Variants in PAIP2 observed in about 807,000 individuals in gnomAD.
The protein encoded by PAIP2 is polyadenylate-binding protein-interacting protein 2.
PAIP2 carries 7 observed loss-of-function variants against 14.8 expected under a neutral mutation model. That is an observed-to-expected ratio of 0.47 (90% CI 0.27 to 0.89). The LOEUF is 0.89. PAIP2 is among the 40% of genes least tolerant of loss of function. The pLI is 0.13. For synonymous variants in PAIP2, 47 were observed against 45.3 expected (o/e 1.04, Z -0.15); for missense variants, 122 against 154.7 (o/e 0.79, Z 1.12).
At chr5:139,357,403 G>A (rs534523544) in intron 1 of PAIP2, among the ~76,000 whole-genome samples, 18 of 152,238 alleles carry the variant, frequency 1.2e-4, no homozygotes, top group African/African-American at 3.6e-4. Context: ...TGTTTGCCCC[G>A]TTATTGCTAC....
chr5:139,350,253 G>C (rs1459055776), intron 1 of PAIP2, among the ~76,000 whole-genome samples: 2 of 151,770 alleles, frequency 1.3e-5, no homozygotes, highest in East Asian at 1.9e-4. Flanking sequence ...TACTGTAGTA[G>C]AGGACTTGGA....
At chr5:139,346,905 G>T (rs1221885536) in intron 1 of PAIP2, among the ~76,000 whole-genome samples, 1 of 152,052 alleles carries the variant, frequency 6.6e-6, no homozygotes, top group Non-Finnish European at 1.5e-5. Context: ...TGCCTCCCAG[G>T]TTCAAGCAGT....
intron 1 of PAIP2, among the ~76,000 whole-genome samples, chr5:139,352,503 T>TTTTTTTTTTTG (rs1756772951): frequency 8.0e-5 from 10 of 124,460 alleles, no homozygotes; most frequent in Non-Finnish European, 1.3e-4. Flanking sequence ...TTTTTTGTTG[T>TTTTTTTTTTTG]TTTTTTTTTT....
At chr5:139,350,905 T>G (rs1450950172) in intron 1 of PAIP2, among the ~76,000 whole-genome samples, 1 of 152,102 alleles carries the variant, frequency 6.6e-6, no homozygotes, top group Non-Finnish European at 1.5e-5. Context: ...AAGCTTTCAT[T>G]AGTGGGGGAT....
chr5:139,349,624 T>C (rs1388562141), intron 1 of PAIP2, among the ~76,000 whole-genome samples: 1 of 152,086 alleles, frequency 6.6e-6, no homozygotes, highest in East Asian at 1.9e-4. Context: ...AGAAAAGAAA[T>C]AGTTAATAGA....
At chr5:139,344,209 G>A (rs921540239) in intron 1 of PAIP2, among the ~76,000 whole-genome samples, 1 of 152,134 alleles carries the variant, frequency 6.6e-6, no homozygotes, top group African/African-American at 2.4e-5. Context: ...TATGATAGTC[G>A]GAATTCAAAT....
intron 1 of PAIP2, among the ~76,000 whole-genome samples, chr5:139,356,240 G>A (rs996869338): frequency 6.6e-6 from 1 of 151,760 alleles, no homozygotes; most frequent in East Asian, 2.0e-4. Context: ...AAGGTGAGGA[G>A]TTTGAGACTA....
intron 1 of PAIP2, among the ~76,000 whole-genome samples, chr5:139,360,790 T>C (rs1362019453): frequency 6.6e-6 from 1 of 151,396 alleles, no homozygotes; most frequent in African/African-American, 2.4e-5. Context: ...TTTTTTTTTT[T>C]CTTTTTTGGA....
At chr5:139,352,972 C>G (rs377261724) in intron 1 of PAIP2, among the ~76,000 whole-genome samples, 2 of 151,428 alleles carry the variant, frequency 1.3e-5, no homozygotes, top group Non-Finnish European at 2.9e-5. Flanking sequence ...CAAAGTTAGC[C>G]GGGCGTGGTG....
rs1581316303 is a variant in PAIP2 at position 139,360,804 on chromosome 5, A to G, written c.-26-2955A>G. On this transcript the variant is annotated intron_variant, in intron 1 of 3. Transcript: ENST00000265192. ...TTTTTTTTTTTTCTTTTTTGGAGACAGGGTCTTGCTTTCTTGCCCAGGCTG... is the reference window on the plus strand; with the variant it reads ...TTTTTTTTTTTTCTTTTTTGGAGACGGGGTCTTGCTTTCTTGCCCAGGCTG... 4.7e-5 allele frequency among the ~76,000 whole-genome samples: 7 copies of G among 149,426 alleles called. 1 individual carries two copies. The highest frequency in any genetic ancestry group is 4.7e-4 in the Admixed American group (7 of 14,972).
intron 1 of PAIP2, among the ~76,000 whole-genome samples, chr5:139,344,871 T>C (rs1756488763): frequency 6.6e-6 from 1 of 152,058 alleles, no homozygotes; most frequent in Non-Finnish European, 1.5e-5. Flanking sequence ...GCCCTAAATA[T>C]TTAATCACCG....
chr5:139,352,487 A>ATTTTTTTTTTTTTTT (rs1756763628), intron 1 of PAIP2, among the ~76,000 whole-genome samples: 1 of 73,228 alleles, frequency 1.4e-5, no homozygotes, highest in African/African-American at 3.5e-5. Context: ...AATTCCTGCC[A>ATTTTTTTTTTTTTTT]GTTTTTTTTT....
chr5:139,363,665 T>G (rs777531740), intron 1 of PAIP2, 94 bp from the exon 2 acceptor site: 42 of 1,088,236 alleles, frequency 3.9e-5, no homozygotes, highest in Non-Finnish European at 5.3e-5. Flanking sequence ...ATCACACCAT[T>G]GCACTCCAGC....
intron 1 of PAIP2, among the ~76,000 whole-genome samples, chr5:139,348,305 C>T (rs1756619012): frequency 6.6e-6 from 1 of 151,840 alleles, no homozygotes; most frequent in African/African-American, 2.4e-5. Context: ...TCTCCTGCTT[C>T]AGCCTTCTGA....
chr5:139,346,725 CG>C (rs1447797337), intron 1 of PAIP2, among the ~76,000 whole-genome samples: 3 of 145,340 alleles, frequency 2.1e-5, no homozygotes, highest in East Asian at 2.1e-4. Context: ...GACGGGGTTT[CG>C]CCCAAGTTGG....
At position 139,363,755 on chromosome 5, in the gene PAIP2, T is replaced by C. The variant is rs781769945; in HGVS notation, c.-26-4T>C. 6.2e-7 allele frequency: 1 copy of C among 1,609,774 alleles called. No individual in the cohort carries two copies. Among genetic ancestry groups the C allele is most frequent in the Non-Finnish European group, 8.5e-7 (1 of 1,177,954 alleles). Reference sequence around the variant, plus strand: ...TAAATTAACTGTGCTGTTGTTCTTTTAAGGTTAAAAACGACAACCAACATC... The same window carrying C: ...TAAATTAACTGTGCTGTTGTTCTTTCAAGGTTAAAAACGACAACCAACATC... On this transcript the variant is annotated splice_polypyrimidine_tract_variant and splice_region_variant and intron_variant, in intron 1 of 3. Transcript: ENST00000265192.
chr5:139,348,287 C>G (rs935173280), intron 1 of PAIP2, among the ~76,000 whole-genome samples: 1 of 151,864 alleles, frequency 6.6e-6, no homozygotes, highest in Admixed American at 6.6e-5. Flanking sequence ...CTCCCAGGCT[C>G]GAGCAATTCT....
At chr5:139,351,602 A>G (rs1445483551) in intron 1 of PAIP2, among the ~76,000 whole-genome samples, 1 of 152,202 alleles carries the variant, frequency 6.6e-6, no homozygotes, top group Non-Finnish European at 1.5e-5. Context: ...GGAGAGGGAA[A>G]AACTATATAC....
intron 3 of PAIP2, among the ~76,000 whole-genome samples, chr5:139,366,245 A>T (rs1757245330): frequency 6.6e-6 from 1 of 150,850 alleles, no homozygotes; most frequent in African/African-American, 2.4e-5. Flanking sequence ...GGGAATTGTG[A>T]TAACTAAACA....
Sources: gnomAD v4.1 joint callset for allele counts (sites outside exome capture counted in the v4.1 genomes callset) on GRCh38, gnomAD v4.1.1 for gene constraint, MANE v1.5 for transcripts, NCBI Gene and HGNC (gene_info 2026-07-23, HGNC 2026-07-21) for gene names.